SYNDIG1: variants seen among roughly 807,000 people sequenced by gnomAD.
SYNDIG1 encodes the protein synapse differentiation inducing 1.
A neutral mutation model predicts 19.4 loss-of-function variants in SYNDIG1; 9 were observed. The observed-to-expected ratio is 0.46, with a 90% CI of 0.28 to 0.81. The LOEUF is 0.81. SYNDIG1 is among the 30% of genes least tolerant of loss of function. The pLI, the probability that SYNDIG1 is intolerant of heterozygous loss-of-function variation, is 0.12. For synonymous variants in SYNDIG1, 141 were observed against 145.9 expected (o/e 0.97, Z 0.24); for missense variants, 311 against 343.3 (o/e 0.91, Z 0.74).
chr20:24,529,997 A>G (rs2057216974), intron 1 of SYNDIG1, among the ~76,000 whole-genome samples: 1 of 186 alleles, frequency 5.4e-3, no homozygotes, highest in Non-Finnish European at 8.3e-3. Flanking sequence ...TGATGGTGTC[A>G]GTGGTGGGGA....
chr20:24,520,120 C>T (rs2056973964), intron 1 of SYNDIG1, among the ~76,000 whole-genome samples: 1 of 152,056 alleles, frequency 6.6e-6, no homozygotes, highest in Admixed American at 6.6e-5. Flanking sequence ...TGGAGTCCGA[C>T]GGGGCTTTTC....
intron 2 of SYNDIG1, among the ~76,000 whole-genome samples, chr20:24,566,923 T>C (rs2058054275): frequency 6.6e-6 from 1 of 152,188 alleles, no homozygotes; most frequent in Non-Finnish European, 1.5e-5. Flanking sequence ...TCCAAATGCA[T>C]GTTCTCTAAC....
At chr20:24,553,368 G>A (rs2146812202) in intron 2 of SYNDIG1, among the ~76,000 whole-genome samples, 1 of 152,304 alleles carries the variant, frequency 6.6e-6, no homozygotes, top group African/African-American at 2.4e-5. Context: ...TGGTGTTTTA[G>A]ACATGAAGTC....
chr20:24,554,616 G>A (rs1310138756), intron 2 of SYNDIG1, among the ~76,000 whole-genome samples: 1 of 152,154 alleles, frequency 6.6e-6, no homozygotes, highest in Non-Finnish European at 1.5e-5. Context: ...TTATTCATTT[G>A]CGTGTATTGA....
rs75978824 is a variant in SYNDIG1, at chr20:24,536,243, C to G, written c.-78-6777C>G. ...ACTCTGCTCCAGAAAGAGGTGATATCTGAGTGTGGCCACGGGTGAAATTAC... is the reference window on the plus strand; with the variant it reads ...ACTCTGCTCCAGAAAGAGGTGATATGTGAGTGTGGCCACGGGTGAAATTAC... On this transcript the variant is annotated intron_variant, in intron 1 of 3. Coordinates refer to ENST00000376862, the MANE Select transcript of SYNDIG1 (RefSeq NM_024893.3). 5.0e-3 allele frequency among the ~76,000 whole-genome samples: 768 copies of G among 152,304 alleles called. 7 individuals are homozygous for G. The highest frequency in any genetic ancestry group is 0.018 in the African/African-American group (734 of 41,560).
chr20:24,556,790 T>G (rs1375748936), intron 2 of SYNDIG1, among the ~76,000 whole-genome samples: 1 of 152,150 alleles, frequency 6.6e-6, no homozygotes, highest in African/African-American at 2.4e-5. Context: ...TGTCTTGGAG[T>G]TGCTCTTCTC....
intron 1 of SYNDIG1, among the ~76,000 whole-genome samples, chr20:24,535,861 C>T (rs375313198): frequency 1.3e-5 from 2 of 152,160 alleles, no homozygotes; most frequent in Non-Finnish European, 1.5e-5. Context: ...GTTTTCTTAA[C>T]GTTACTGACT....
intron 1 of SYNDIG1, among the ~76,000 whole-genome samples, chr20:24,488,425 A>G (rs151254257): frequency 3.3e-5 from 5 of 152,312 alleles, no homozygotes; most frequent in Non-Finnish European, 5.9e-5. Flanking sequence ...TCTGTTTGTA[A>G]CTCACTGTAG....
chr20:24,486,946 C>T (rs751630652), intron 1 of SYNDIG1, among the ~76,000 whole-genome samples: 1 of 152,124 alleles, frequency 6.6e-6, no homozygotes, highest in Non-Finnish European at 1.5e-5. Context: ...TGTGAGCCGC[C>T]GTGCGCAGCC....
At chr20:24,633,087 G>C (rs1354980081) in intron 3 of SYNDIG1, among the ~76,000 whole-genome samples, 1 of 152,088 alleles carries the variant, frequency 6.6e-6, no homozygotes, top group Non-Finnish European at 1.5e-5. Context: ...AGAGGCGATG[G>C]GCAGACCGTG....
chr20:24,494,573 GC>G (rs1381435356), intron 1 of SYNDIG1, among the ~76,000 whole-genome samples: 1 of 152,174 alleles, frequency 6.6e-6, no homozygotes, highest in East Asian at 1.9e-4. Context: ...GTGAAATTGA[GC>G]CCCGAGGGAT....
Position 24,499,291 on chromosome 20 carries a change from G to A in SYNDIG1, c.-79+29538G>A, listed in dbSNP as rs142595457. The stretch of plus-strand genomic sequence containing the variant: ...CCAACCGCCTCAGCCTCCCAAAGTG[G>A]TGGGGTTACAGGCGTGAGCCACTGC... On this transcript the variant is annotated intron_variant, in intron 1 of 3. Transcript: ENST00000376862. 8.5e-3 allele frequency among the ~76,000 whole-genome samples: 1,291 copies of A among 152,300 alleles called. 21 individuals are homozygous for A. The highest frequency in any genetic ancestry group is 0.03 in the African/African-American group (1,233 of 41,566).
intron 1 of SYNDIG1, among the ~76,000 whole-genome samples, chr20:24,490,554 A>G (rs567069902): frequency 4.6e-5 from 7 of 152,254 alleles, no homozygotes; most frequent in African/African-American, 1.7e-4. Flanking sequence ...GAGATCATTC[A>G]ACCTCTCTGT....
intron 3 of SYNDIG1, among the ~76,000 whole-genome samples, chr20:24,631,564 G>A (rs2059244490): frequency 6.6e-6 from 1 of 152,148 alleles, no homozygotes; most frequent in Non-Finnish European, 1.5e-5. Flanking sequence ...TTATATTTGG[G>A]ATCAGGAGGA....
intron 1 of SYNDIG1, among the ~76,000 whole-genome samples, chr20:24,486,281 C>A (rs548450544): frequency 6.6e-6 from 1 of 152,184 alleles, no homozygotes; most frequent in Non-Finnish European, 1.5e-5. Flanking sequence ...GGTGGCAACC[C>A]CCTTGCCTGG....
intron 1 of SYNDIG1, among the ~76,000 whole-genome samples, chr20:24,497,942 C>T (rs1052740416): frequency 6.6e-6 from 1 of 152,226 alleles, no homozygotes; most frequent in South Asian, 2.1e-4. Flanking sequence ...ATTGTCCAGA[C>T]CCATGATCTT....
intron 3 of SYNDIG1, among the ~76,000 whole-genome samples, chr20:24,595,419 T>C (rs2058579952): frequency 6.6e-6 from 1 of 152,224 alleles, no homozygotes; most frequent in Non-Finnish European, 1.5e-5. Context: ...TGAGAATTTT[T>C]ACATCTATGT....
intron 3 of SYNDIG1, among the ~76,000 whole-genome samples, chr20:24,596,054 T>C (rs1214865578): frequency 1.3e-5 from 2 of 152,212 alleles, no homozygotes; most frequent in Admixed American, 6.5e-5. Context: ...TGTTAAGTTG[T>C]TAACTTGGGA....
At chr20:24,560,107 C>T (rs1383182447) in intron 2 of SYNDIG1, among the ~76,000 whole-genome samples, 4 of 103,754 alleles carry the variant, frequency 3.9e-5, no homozygotes, top group Admixed American at 1.5e-4. Flanking sequence ...CTCACTCTGT[C>T]ACCCAGGCTG....
Sources: allele counts gnomAD v4.1 joint callset (sites outside exome capture counted in the v4.1 genomes callset), GRCh38; gene constraint gnomAD v4.1.1; transcripts MANE v1.5; gene names NCBI Gene and HGNC (gene_info 2026-07-23, HGNC 2026-07-21).